Variants in SORCS2 observed in about 807,000 individuals in gnomAD.
The protein encoded by SORCS2 is sortilin related VPS10 domain containing receptor 2.
A neutral mutation model predicts 141.6 loss-of-function variants in SORCS2; 100 were observed. The ratio of observed to expected loss-of-function variants is 0.71; its 90% confidence interval spans 0.60 to 0.83. The LOEUF (loss-of-function observed/expected upper bound fraction) is 0.83, where lower values mean the gene tolerates loss of function less well. Ranked by LOEUF, SORCS2 falls within the 40% of genes least tolerant of loss-of-function variation. SORCS2 has a pLI of 0.00. For missense variants in SORCS2, 1,646 were observed against 1,560.2 expected, an observed-to-expected ratio of 1.05 and a Z score of -0.93; for synonymous variants, 789 against 676.9, an observed-to-expected ratio of 1.17 and a Z score of -2.57.
At chr4:7,245,631 C>A (rs1272034897) in intron 1 of SORCS2, among the ~76,000 whole-genome samples, 1 of 152,178 alleles carries the variant, frequency 6.6e-6, no homozygotes, top group South Asian at 2.1e-4. Flanking sequence ...TGCACAGACG[C>A]GAGAGTGTCA....
chr4:7,437,649 C>A (rs13435654), intron 2 of SORCS2, among the ~76,000 whole-genome samples: 22,905 of 152,146 alleles, frequency 0.15, 1,784 homozygotes, highest in Middle Eastern at 0.25. Context: ...ACGAAATACA[C>A]TTCTGTCACT....
intron 3 of SORCS2, among the ~76,000 whole-genome samples, chr4:7,545,835 C>A (rs534276734): frequency 6.6e-6 from 1 of 152,344 alleles, no homozygotes; most frequent in Non-Finnish European, 1.5e-5. Context: ...ATGGCTCTCA[C>A]GAAACACTCC....
At chr4:7,462,287 T>C (rs901761116) in intron 2 of SORCS2, among the ~76,000 whole-genome samples, 28 of 152,190 alleles carry the variant, frequency 1.8e-4, no homozygotes, top group Non-Finnish European at 3.2e-4. Flanking sequence ...GTCTCACCTG[T>C]GAGCGGGAGA....
intron 2 of SORCS2, among the ~76,000 whole-genome samples, chr4:7,403,642 A>C (rs188397811): frequency 1.3e-5 from 2 of 152,128 alleles, no homozygotes; most frequent in Non-Finnish European, 2.9e-5. Flanking sequence ...GGTAGGATTT[A>C]TCAGCGTCTC....
chr4:7,422,149 C>G (rs1030354639), intron 2 of SORCS2, among the ~76,000 whole-genome samples: 1 of 152,216 alleles, frequency 6.6e-6, no homozygotes, highest in Non-Finnish European at 1.5e-5. Flanking sequence ...TGGTCAGACA[C>G]GCCACCTGGG....
chr4:7,595,744 G>C (rs1179632018), intron 3 of SORCS2, among the ~76,000 whole-genome samples: 2 of 152,172 alleles, frequency 1.3e-5, no homozygotes, highest in Non-Finnish European at 2.9e-5. Context: ...TGCTGCCCTG[G>C]TTCTGTGATT....
intron 9 of SORCS2, among the ~76,000 whole-genome samples, chr4:7,677,192 C>T (rs950951386): frequency 1.3e-5 from 2 of 152,298 alleles, no homozygotes; most frequent in African/African-American, 2.4e-5. Flanking sequence ...GAGCCTTCCT[C>T]GCTGCCCTCC....
rs191658050 is a variant in SORCS2, at chr4:7,576,925, C to T, written c.648+45296C>T. Among the ~76,000 whole-genome samples the T allele has an allele frequency of 9.5e-4, 144 of 152,282 alleles. 4 individuals carry two copies. The East Asian group carries it at 0.022, about 23-fold the overall frequency. The stretch of plus-strand genomic sequence containing the variant: ...CCATCTGGAAATGGGGCCGGGTTAT[C>T]GCAGTCTTCTGAGATTGCATGGGAA... On this transcript the variant is annotated intron_variant, in intron 3 of 26. Coordinates refer to ENST00000507866, the MANE Select transcript of SORCS2 (RefSeq NM_020777.3).
At chr4:7,514,063 G>T (rs930779536) in intron 2 of SORCS2, among the ~76,000 whole-genome samples, 6 of 152,134 alleles carry the variant, frequency 3.9e-5, no homozygotes, top group African/African-American at 1.4e-4. Flanking sequence ...GACTGCTTGG[G>T]CTGGGAGCCG....
At chr4:7,633,355 G>A (rs1228302228) in intron 3 of SORCS2, among the ~76,000 whole-genome samples, 4 of 152,164 alleles carry the variant, frequency 2.6e-5, no homozygotes, top group Admixed American at 2.6e-4. Context: ...TGCCTTTGGG[G>A]TCATGCCGTC....
intron 2 of SORCS2, among the ~76,000 whole-genome samples, chr4:7,417,413 C>T (rs556455676): frequency 3.9e-5 from 6 of 152,156 alleles, no homozygotes; most frequent in African/African-American, 1.2e-4. Context: ...GGGGCTAACA[C>T]AGGGAGCAGT....
intron 2 of SORCS2, among the ~76,000 whole-genome samples, chr4:7,455,141 C>G (rs71612272): frequency 0.88 from 8,064 of 9,126 alleles, 3,663 homozygotes; most frequent in Middle Eastern, 1. Context: ...TGCTGTGTTG[C>G]GGTCAGGCAC....
chr4:7,301,388 G>A (rs1577373520), intron 1 of SORCS2, among the ~76,000 whole-genome samples: 2 of 152,246 alleles, frequency 1.3e-5, no homozygotes, highest in South Asian at 4.1e-4. Context: ...AGGGAGGGAC[G>A]AGGGTGGCCA....
intron 3 of SORCS2, among the ~76,000 whole-genome samples, chr4:7,589,898 C>G (rs79148301): frequency 6.6e-6 from 1 of 152,130 alleles, no homozygotes; most frequent in African/African-American, 2.4e-5. Context: ...TCTAGAGCAG[C>G]GCAAATATGG....
intron 10 of SORCS2, among the ~76,000 whole-genome samples, chr4:7,683,125 TA>T (rs1356473897): frequency 3.9e-5 from 6 of 152,344 alleles, no homozygotes; most frequent in Middle Eastern, 3.4e-3. Context: ...TGCTGTGCAA[TA>T]AACCACCCAA....
In SORCS2 at chr4:7,365,087, G is replaced by A. The variant is rs1163857852; in HGVS notation, c.481-31201G>A. Reference sequence around the variant, plus strand: ...AGCACTGTGGCCAGCCCATCACAAGGGTTCTTAGCGTTAGCTATGATTTGT... The same window carrying A: ...AGCACTGTGGCCAGCCCATCACAAGAGTTCTTAGCGTTAGCTATGATTTGT... On this transcript the variant is annotated intron_variant, in intron 1 of 26. Coordinates refer to ENST00000507866, the MANE Select transcript of SORCS2 (RefSeq NM_020777.3). 2.0e-5 allele frequency among the ~76,000 whole-genome samples: 3 copies of A among 152,244 alleles called. No individual in the cohort carries two copies. In the East Asian group the frequency reaches 5.8e-4, roughly 29 times the overall value.
intron 2 of SORCS2, among the ~76,000 whole-genome samples, chr4:7,511,427 C>T (rs914992077): frequency 8.9e-5 from 3 of 33,872 alleles, no homozygotes; most frequent in African/African-American, 1.9e-4. Context: ...GAGAGAGGGG[C>T]GGGGTTGGGG....
intron 1 of SORCS2, among the ~76,000 whole-genome samples, chr4:7,308,321 GC>G (rs1026886927): frequency 2.0e-5 from 3 of 152,152 alleles, no homozygotes; most frequent in African/African-American, 7.2e-5. Flanking sequence ...TGCTGCTCCA[GC>G]CTGGCTGGCT....
At chr4:7,662,092 C>T (rs1340241720) in intron 6 of SORCS2, among the ~76,000 whole-genome samples, 2 of 152,178 alleles carry the variant, frequency 1.3e-5, no homozygotes, top group African/African-American at 4.8e-5. Context: ...GGGCCCGAGG[C>T]CAGTCACCCC....
Sources: allele counts gnomAD v4.1 joint callset (sites outside exome capture counted in the v4.1 genomes callset), GRCh38; gene constraint gnomAD v4.1.1; transcripts MANE v1.5; gene names NCBI Gene and HGNC (gene_info 2026-07-23, HGNC 2026-07-21).